Variants in RHOQ observed in about 807,000 individuals in gnomAD.
RHOQ encodes ras homolog family member Q, also known as rho-related GTP-binding protein RhoQ.
A neutral mutation model predicts 25.8 loss-of-function variants in RHOQ; 7 were observed. That is an observed-to-expected ratio of 0.27 (90% CI 0.15 to 0.51). The LOEUF (loss-of-function observed/expected upper bound fraction) is 0.51. Ranked by LOEUF, RHOQ falls within the 20% of genes least tolerant of loss-of-function variation. The pLI is 0.97. For synonymous variants in RHOQ, 97 were observed against 98.6 expected, an observed-to-expected ratio of 0.98 and a Z score of 0.10; for missense variants, 165 against 260.6, an observed-to-expected ratio of 0.63 and a Z score of 2.53.
rs978529474 is a variant in RHOQ at position 46,548,650 on chromosome 2, C to T, written c.201+4838C>T. Among the ~76,000 whole-genome samples, 7 of 152,170 alleles carry T rather than the reference C, an allele frequency of 4.6e-5. No individual in the cohort carries two copies. Among genetic ancestry groups the T allele is most frequent in the African/African-American group, 1.7e-4 (7 of 41,438 alleles). On this transcript the variant is annotated intron_variant, in intron 2 of 4. Transcript: ENST00000238738. The surrounding 1 kb of genome is among the most constrained non-coding windows in gnomAD (Gnocchi z 5.2). ...TGTAGCCCCGTGTTCCATCCTTGCT[C>T]AGCCCGGTGAGCAGAGCCTGGGAGG...
At chr2:46,577,462 G>A (rs1031643378) in intron 4 of RHOQ, among the ~76,000 whole-genome samples, 45 of 146,392 alleles carry the variant, frequency 3.1e-4, no homozygotes, top group Non-Finnish European at 1.1e-4. Context: ...TGCAGTGACG[G>A]GATCTCAGCT....
At chr2:46,554,759 G>C (rs6734476) in intron 2 of RHOQ, among the ~76,000 whole-genome samples, 67,618 of 150,578 alleles carry the variant, frequency 0.45, 16,153 homozygotes, top group African/African-American at 0.6. Context: ...ATTCTCCTGC[G>C]CCTGCTCTTT....
At chr2:46,579,843 C>CA (rs34843228) in intron 4 of RHOQ, among the ~76,000 whole-genome samples, 13,345 of 135,584 alleles carry the variant, frequency 0.098, 1,151 homozygotes, top group East Asian at 0.48. Flanking sequence ...GAAACTGTCT[C>CA]AAAAAAAAAA....
At chr2:46,577,041 C>T (rs1669151790) in intron 4 of RHOQ, 1 of 160,890 alleles carries the variant, frequency 6.2e-6, no homozygotes, top group Non-Finnish European at 1.3e-5. Flanking sequence ...ATTACTTAAA[C>T]AGTTGCACTG....
chr2:46,567,584 G>C (rs927732893), intron 2 of RHOQ, among the ~76,000 whole-genome samples: 1 of 151,940 alleles, frequency 6.6e-6, no homozygotes. Context: ...TAGAGATCGT[G>C]TTTTGCCATG....
chr2:46,550,909 CT>C (rs905713650), intron 2 of RHOQ, among the ~76,000 whole-genome samples: 4 of 152,166 alleles, frequency 2.6e-5, no homozygotes, highest in African/African-American at 9.7e-5. Flanking sequence ...GAAAGGTCCA[CT>C]ACACAACTGG....
chr2:46,560,872 G>T (rs1047747187), intron 2 of RHOQ, among the ~76,000 whole-genome samples: 1 of 152,180 alleles, frequency 6.6e-6, no homozygotes, highest in Non-Finnish European at 1.5e-5. Flanking sequence ...GTTTTGAAGT[G>T]TCTCAGTCAT....
At chr2:46,572,057 G>A (rs17035292) in intron 2 of RHOQ, among the ~76,000 whole-genome samples, 8,249 of 145,938 alleles carry the variant, frequency 0.057, 390 homozygotes, top group African/African-American at 0.13. Flanking sequence ...CTCTCAGAGC[G>A]CATTTCTTTA....
intron 4 of RHOQ, among the ~76,000 whole-genome samples, chr2:46,578,116 A>G (rs1193798424): frequency 6.6e-6 from 1 of 152,192 alleles, no homozygotes; most frequent in African/African-American, 2.4e-5. Context: ...CCCAAAATGC[A>G]GATTGCCATT....
rs369993382 is a variant in RHOQ at position 46,546,493 on chromosome 2, T to C, written c.201+2681T>C. Among the ~76,000 whole-genome samples, 153 of 23,452 alleles carry C rather than the reference T, an allele frequency of 6.5e-3. 13 individuals are homozygous for C. The highest frequency in any genetic ancestry group is 0.027 in the African/African-American group (144 of 5,400). The allele number at this position is 23,452 out of a possible 152,430, so 15.4% of individuals were successfully genotyped here. ...ATATATGTGTATATATATATATATA[T>C]ATATATATATATATATATGTATATA... On this transcript the variant is annotated intron_variant, in intron 2 of 4. Transcript: ENST00000238738.
chr2:46,568,567 T>C (rs1558689683), intron 2 of RHOQ: 1 of 152,178 alleles, frequency 6.6e-6, no homozygotes. Flanking sequence ...CAAAAGAGTT[T>C]TTCATGTTTA....
intron 1 of RHOQ, 103 bp downstream of exon 1, chr2:46,543,291 C>A: frequency 7.5e-7 from 1 of 1,337,976 alleles, no homozygotes; most frequent in Non-Finnish European, 1.1e-6. Flanking sequence ...GCACTCCTCT[C>A]CCCTCCCCCG....
chr2:46,565,780 G>A (rs776470902), intron 2 of RHOQ, among the ~76,000 whole-genome samples: 14 of 152,234 alleles, frequency 9.2e-5, no homozygotes, highest in Non-Finnish European at 1.8e-4. Context: ...CTGCGACCAT[G>A]AGCCAGGCCT....
At chr2:46,543,673 G>T (rs1667926112) in intron 1 of RHOQ, 81 bp from the exon 2 acceptor site, 7 of 1,277,604 alleles carry the variant, frequency 5.5e-6, no homozygotes, top group Non-Finnish European at 7.8e-6. Flanking sequence ...TGGGAGAGGA[G>T]GGTCCGGGTG....
At chr2:46,578,460 G>A (rs781121371) in intron 4 of RHOQ, among the ~76,000 whole-genome samples, 4 of 150,954 alleles carry the variant, frequency 2.6e-5, no homozygotes, top group African/African-American at 9.7e-5. Context: ...TGCTGGGCAC[G>A]GTGGCTCACA....
rs914851936 is a variant in RHOQ, at chr2:46,555,962, T to C, written c.201+12150T>C. ...TGTGTCAAACTGCTTGATATGTAAG[T>C]TTCCTCCTCTTTCCTTTGTTTTATT... On this transcript the variant is annotated intron_variant, in intron 2 of 4. Transcript: ENST00000238738. The surrounding 1 kb of genome is among the most constrained non-coding windows in gnomAD (Gnocchi z 4.3). Among the ~76,000 whole-genome samples the C allele has an allele frequency of 2.0e-5, 3 of 152,134 alleles. No individual in the cohort carries two copies. The highest frequency in any genetic ancestry group is 7.2e-5 in the African/African-American group (3 of 41,422).
At chr2:46,562,312 T>C (rs1361454468) in intron 2 of RHOQ, among the ~76,000 whole-genome samples, 1 of 152,070 alleles carries the variant, frequency 6.6e-6, no homozygotes, top group Non-Finnish European at 1.5e-5. Flanking sequence ...TGACACCACC[T>C]GTCCCGTTGC....
chr2:46,543,516 C>T (rs769818722), intron 1 of RHOQ: 3 of 602,492 alleles, frequency 5.0e-6, no homozygotes, highest in African/African-American at 3.7e-5. Flanking sequence ...GGGGACCGAG[C>T]GAGACGTGGC....
chr2:46,580,889 A>T (rs937814790), intron 4 of RHOQ, 39 bp from the exon 5 acceptor site: 3 of 1,408,278 alleles, frequency 2.1e-6, no homozygotes, highest in Non-Finnish European at 1.9e-6. Flanking sequence ...TTGTATAAAC[A>T]TGATCTTATA....
Sources: gnomAD v4.1 joint callset for allele counts (sites outside exome capture counted in the v4.1 genomes callset) on GRCh38, gnomAD v4.1.1 for gene constraint, Gnocchi (gnomAD v3.1) non-coding constraint, MANE v1.5 for transcripts, NCBI Gene and HGNC (gene_info 2026-07-23, HGNC 2026-07-21) for gene names.